The following TBRG1 variants were observed in gnomAD, a reference collection of about 807,000 sequenced individuals.
TBRG1 encodes nuclear interactor of ARF and MDM2.
In TBRG1, 31 loss-of-function variants were observed where a neutral mutation model predicts 44.0. That is an observed-to-expected ratio of 0.70 (90% confidence interval 0.53 to 0.95). TBRG1 has a LOEUF of 0.95. Ranked by LOEUF, TBRG1 falls within the 40% of genes least tolerant of loss-of-function variation. The pLI, the probability that TBRG1 is intolerant of heterozygous loss-of-function variation, is 0.00. For missense variants in TBRG1, 487 were observed against 496.1 expected (o/e 0.98, Z 0.18); for synonymous variants, 171 against 188.1 (o/e 0.91, Z 0.74).
Position 124,627,063 on chromosome 11 carries a change from A to G in TBRG1, c.738+13A>G, listed in dbSNP as rs1274380609. 1.3e-6 allele frequency: 2 copies of G among 1,488,660 alleles called. No homozygotes were observed. Among genetic ancestry groups the G allele is most frequent in the South Asian group, 1.2e-5 (1 of 82,802 alleles). The allele number at this position is 1,488,660 out of a possible 1,614,324, so 92.2% of individuals were successfully genotyped here. A position where few individuals can be genotyped will look rare whatever the true frequency, so the allele number is the denominator to read the frequency against. On this transcript the variant is annotated intron_variant, in intron 5 of 8. Transcript: ENST00000441174. ...TGTGCAGCCTCAGGTACCCCCTCTAATAATAACCACTGTTTGTCTTTAGAA... is the reference window on the plus strand; with the variant it reads ...TGTGCAGCCTCAGGTACCCCCTCTAGTAATAACCACTGTTTGTCTTTAGAA...
At chr11:124,624,363 C>CAAAAA (rs61352898) in intron 1 of TBRG1, among the ~76,000 whole-genome samples, 3 of 83,550 alleles carry the variant, frequency 3.6e-5, no homozygotes, top group Admixed American at 1.3e-4. Flanking sequence ...TCATCATTTA[C>CAAAAA]AAAAAAAAAA....
chr11:124,628,896 A>G (rs1942547149), intron 5 of TBRG1, among the ~76,000 whole-genome samples: 1 of 152,232 alleles, frequency 6.6e-6, no homozygotes, highest in Non-Finnish European at 1.5e-5. Flanking sequence ...TCACTGTGGC[A>G]GTATTTGCAA....
In TBRG1 at chr11:124,632,253, G is replaced by A; in HGVS notation, c.*15G>A. ...CTTCAGATTGAACAAGAAGGGATCA[G>A]ATGCCACATCGTTTTTGTCGTGATT... On this transcript the variant is annotated 3_prime_UTR_variant, in exon 9 of 9. Transcript: ENST00000441174. 6.2e-7 allele frequency: 1 copy of A among 1,607,078 alleles called. No homozygotes were observed.
intron 5 of TBRG1, among the ~76,000 whole-genome samples, chr11:124,629,292 T>C (rs1325009443): frequency 6.6e-6 from 1 of 150,580 alleles, no homozygotes; most frequent in African/African-American, 2.4e-5. Flanking sequence ...TGAGCCAAGA[T>C]CACGCCACTG....
Position 124,623,217 on chromosome 11 carries a change from C to G in TBRG1, c.134C>G (p.Ala45Gly), listed in dbSNP as rs745886896. 6.4e-7 allele frequency: 1 copy of G among 1,551,530 alleles called. No individual in the cohort carries two copies. The highest frequency in any genetic ancestry group is 1.2e-5 in the South Asian group (1 of 84,068). The change falls in exon 1 of 9, where the codon GCC becomes GGC. Residue 45 changes from alanine (A) to glycine (G), a missense_variant. By Grantham distance (60) the Ala-to-Gly change is moderately conservative. Transcript: ENST00000441174. ...RLKYLRLRKA[A>G]KATVFENAAI... is the part of the protein sequence containing the mutation. ...AAGTACCTGCGGCTGCGCAAAGCGG[C>G]CAAGGCCACGGTGTTTGTGAGTCTG... is the stretch of plus-strand genomic sequence containing the variant.
rs1942380615 is a variant in TBRG1 at position 124,623,234 on chromosome 11, G to A, written c.150+1G>A. On this transcript the variant is annotated splice_donor_variant, in intron 1 of 8. Transcript: ENST00000441174. LOFTEE classifies it high-confidence loss of function. Reference sequence around the variant, plus strand: ...CAAAGCGGCCAAGGCCACGGTGTTTGTGAGTCTGACCCACGTTCAGCCGGT... The same window carrying A: ...CAAAGCGGCCAAGGCCACGGTGTTTATGAGTCTGACCCACGTTCAGCCGGT... 6.4e-7 allele frequency: 1 copy of A among 1,551,468 alleles called. No individual in the cohort carries two copies. Among genetic ancestry groups the A allele is most frequent in the Non-Finnish European group, 8.7e-7 (1 of 1,147,006 alleles).
At position 124,622,906 on chromosome 11, in the gene TBRG1, C is replaced by T. The variant is rs1942369033; in HGVS notation, c.-178C>T. 7 of 635,798 alleles carry T rather than the reference C, an allele frequency of 1.1e-5. No homozygotes were observed. The highest frequency in any genetic ancestry group is 5.6e-5 in the African/African-American group (3 of 53,824). The allele number at this position is 635,798 out of a possible 1,614,324, so 39.4% of individuals were successfully genotyped here. Reference sequence around the variant, plus strand: ...GGAAGTGCTGGGAGGCGCCGGGAGCCCGTTCGGTTGCGGGTGTCTCTGGCC... The same window carrying T: ...GGAAGTGCTGGGAGGCGCCGGGAGCTCGTTCGGTTGCGGGTGTCTCTGGCC... On this transcript the variant is annotated 5_prime_UTR_variant, in exon 1 of 9. Coordinates refer to ENST00000441174, the MANE Select transcript of TBRG1 (RefSeq NM_032811.3).
rs1291199551 is a variant in TBRG1 at position 124,634,618 on chromosome 11, A to C, written c.*2380A>C. ...GGTATGATGTTTGCATGTGATATTC[A>C]TTACAGTATTATTTTAATAGTAGAA... On this transcript the variant is annotated 3_prime_UTR_variant, in exon 9 of 9. Transcript: ENST00000441174. The C allele has an allele frequency of 6.6e-6, 1 of 152,152 alleles. No homozygotes were observed. Among genetic ancestry groups the C allele is most frequent in the African/African-American group, 2.4e-5 (1 of 41,434 alleles). The allele number at this position is 152,152 out of a possible 1,614,324, so 9.4% of individuals were successfully genotyped here.
At chr11:124,625,624 G>A (rs577485645) in intron 2 of TBRG1, 47 bp from the exon 3 acceptor site, 1 of 1,508,074 alleles carries the variant, frequency 6.6e-7, no homozygotes, top group Non-Finnish European at 8.9e-7. Context: ...ACTGAATTGA[G>A]ACAATACGGA....
Position 124,624,363 on chromosome 11 carries a change from CAA to C in TBRG1, c.151-549_151-548del, listed in dbSNP as rs61352898. On this transcript the variant is annotated intron_variant, in intron 1 of 8. Coordinates refer to ENST00000441174, the MANE Select transcript of TBRG1 (RefSeq NM_032811.3). ...GGGAGATAGATTGAGTCATCATTTA[CAA>C]AAAAAAAAAAAAAAAAAAGAAAAAA... Among the ~76,000 whole-genome samples the C allele has an allele frequency of 5.3e-3, 444 of 83,576 alleles. 4 individuals carry two copies. The highest frequency in any genetic ancestry group is 0.022 in the African/African-American group (424 of 19,656). 54.8% of individuals were successfully genotyped at this position (83,576 alleles called of 152,430 possible). A position where few individuals can be genotyped will look rare whatever the true frequency, so the allele number is the denominator to read the frequency against.
chr11:124,624,723 G>T (rs1348034203), intron 1 of TBRG1, among the ~76,000 whole-genome samples: 1 of 152,084 alleles, frequency 6.6e-6, no homozygotes, highest in Non-Finnish European at 1.5e-5. Flanking sequence ...TCCCGGATTG[G>T]ATAATAAATT....
At chr11:124,628,114 T>G (rs4936944) in intron 5 of TBRG1, among the ~76,000 whole-genome samples, 1 of 45,194 alleles carries the variant, frequency 2.2e-5, no homozygotes, top group African/African-American at 9.7e-5. Context: ...TATATATATA[T>G]ATACACACAC....
intron 5 of TBRG1, chr11:124,629,867 G>C (rs1942572338): frequency 6.5e-6 from 1 of 153,094 alleles, no homozygotes; most frequent in Non-Finnish European, 1.5e-5. Context: ...TAGTTAACTT[G>C]TTACATTTGT....
intron 3 of TBRG1, 149 bp downstream of exon 3, chr11:124,626,052 A>C: frequency 8.3e-7 from 1 of 1,198,506 alleles, no homozygotes; most frequent in East Asian, 2.7e-5. Flanking sequence ...TGAGAAAACA[A>C]ATGTCAAATG....
chr11:124,625,795 C>T lies in TBRG1; in HGVS notation c.346C>T (p.Gln116Ter). The T allele has an allele frequency of 1.9e-6, 3 of 1,581,578 alleles. No homozygotes were observed. The highest frequency in any genetic ancestry group is 1.7e-6 in the Non-Finnish European group (2 of 1,162,750). ...YGVASSVGTI[Q>*]GAGPISGPST... ...TGTGGCCAGCTCTGTGGGAACTATA[C>T]AGGGAGCTGGGCCTATTTCAGGGCC... Residue 116 changes from glutamine (Q) to a stop codon, truncating the protein, a stop_gained, in exon 3 of 9, where the codon CAG (glutamine) becomes TAG (stop). Coordinates refer to ENST00000441174, the MANE Select transcript of TBRG1 (RefSeq NM_032811.3). LOFTEE classifies it high-confidence loss of function.
rs1190163545 is a variant in TBRG1 at position 124,634,462 on chromosome 11, A to G, written c.*2224A>G. 1 of 152,182 alleles carries G rather than the reference A, an allele frequency of 6.6e-6. No individual in the cohort carries two copies. The highest frequency in any genetic ancestry group is 3.2e-3 in the Middle Eastern group (1 of 316). 9.4% of individuals were successfully genotyped at this position (152,182 alleles called of 1,614,324 possible). The stretch of plus-strand genomic sequence containing the variant: ...CCAGTGTCAATGAGGGTGAGGGCAA[A>G]AAAAGGACTACCTTGGTGAGAATGT... On this transcript the variant is annotated 3_prime_UTR_variant, in exon 9 of 9. Coordinates refer to ENST00000441174, the MANE Select transcript of TBRG1 (RefSeq NM_032811.3).
At chr11:124,629,421 A>G (rs1942562793) in intron 5 of TBRG1, among the ~76,000 whole-genome samples, 1 of 152,242 alleles carries the variant, frequency 6.6e-6, no homozygotes, top group African/African-American at 2.4e-5. Flanking sequence ...AATATAAAAC[A>G]TTAGAATCTT....
At position 124,626,938 on chromosome 11, in the gene TBRG1, G is replaced by A; in HGVS notation, c.626G>A (p.Ser209Asn). The change falls in exon 5 of 9, where the codon AGT (serine) becomes AAT (asparagine). Residue 209 changes from serine to asparagine, a missense_variant. Ser to Asn is a conservative substitution (Grantham distance 46, BLOSUM62 1). Coordinates refer to ENST00000441174, the MANE Select transcript of TBRG1 (RefSeq NM_032811.3). The stretch of plus-strand genomic sequence containing the variant: ...GACCGACCTGGCTTTCATGATGAGA[G>A]TGCCATCTACCCCGTGGGCTATTGC... ...ITDRPGFHDE[S>N]AIYPVGYCST... is the part of the protein sequence containing the mutation. The A allele has an allele frequency of 6.2e-7, 1 of 1,606,292 alleles. No individual in the cohort carries two copies. Among genetic ancestry groups the A allele is most frequent in the Non-Finnish European group, 8.5e-7 (1 of 1,176,014 alleles).
Position 124,626,603 on chromosome 11 carries a change from G to C in TBRG1, c.585G>C (p.Leu195=). The C allele has an allele frequency of 1.9e-6, 3 of 1,551,624 alleles. No homozygotes were observed. Among genetic ancestry groups the C allele is most frequent in the South Asian group, 1.2e-5 (1 of 84,054 alleles). The stretch of plus-strand genomic sequence containing the variant: ...TAGGGGGTCTAACAGTATATAGCCT[G>C]GGGGAGGTGAGTGAGACCAGCGATA... The part of the protein sequence containing the change: ...IGLGGLTVYS[L]GEIITDRPGF... Residue 195 remains leucine, a synonymous_variant, in exon 4 of 9, where the codon CTG becomes CTC. Coordinates refer to ENST00000441174, the MANE Select transcript of TBRG1 (RefSeq NM_032811.3).
Sources: gnomAD v4.1 joint callset for allele counts (sites outside exome capture counted in the v4.1 genomes callset) on GRCh38, gnomAD v4.1.1 for gene constraint, MANE v1.5 for transcripts, NCBI Gene and HGNC (gene_info 2026-07-23, HGNC 2026-07-21) for gene names.